The following NECTIN3 variants were observed in gnomAD, a reference collection of about 807,000 sequenced individuals.
NECTIN3 encodes nectin cell adhesion molecule 3, also known as nectin-3.
NECTIN3 carries 8 observed loss-of-function variants against 49.4 expected under a neutral mutation model. That is an observed-to-expected ratio of 0.16 (90% CI 0.10 to 0.29). The LOEUF is 0.29. Among genes scored for constraint, NECTIN3 ranks in the 10% least tolerant of loss-of-function variants. The pLI is 1.00. For missense variants in NECTIN3, 581 were observed against 654.6 expected, an observed-to-expected ratio of 0.89 and a Z score of 1.23; for synonymous variants, 277 against 241.1, an observed-to-expected ratio of 1.15 and a Z score of -1.38.
At chr3:111,111,836 CTTT>C (rs574428590) in intron 1 of NECTIN3, among the ~76,000 whole-genome samples, 191 bp from the exon 2 acceptor site, 1 of 151,480 alleles carries the variant, frequency 6.6e-6, no homozygotes, top group Non-Finnish European at 1.5e-5. Flanking sequence ...TAGTTCATTT[CTTT>C]TTGTTACTCA....
chr3:111,132,109 C>T (rs1161758300), intron 5 of NECTIN3, among the ~76,000 whole-genome samples: 1 of 151,772 alleles, frequency 6.6e-6, no homozygotes, highest in Non-Finnish European at 1.5e-5. Context: ...CTATATTAGA[C>T]ATGATCCTTC....
chr3:111,186,869 G>A (rs1431949570), intron 7 of NECTIN3, among the ~76,000 whole-genome samples: 1 of 152,076 alleles, frequency 6.6e-6, no homozygotes, highest in Non-Finnish European at 1.5e-5. Flanking sequence ...AGGCTTTCTA[G>A]GAAAAGATAC....
intron 1 of NECTIN3, among the ~76,000 whole-genome samples, chr3:111,110,999 T>C (rs1006967956): frequency 8.5e-5 from 13 of 152,154 alleles, no homozygotes; most frequent in Non-Finnish European, 1.5e-4. Flanking sequence ...TCTGTATTCA[T>C]TTAAAAATAT....
exon 6 of NECTIN3, chr3:111,145,018 C>T: frequency 2.0e-6 from 3 of 1,536,402 alleles, no homozygotes; most frequent in Non-Finnish European, 2.6e-6. Flanking sequence ...AAAAAAAAGA[C>T]CATCCTATCT....
chr3:111,096,390 G>A (rs1421472149), intron 1 of NECTIN3, among the ~76,000 whole-genome samples: 1 of 152,158 alleles, frequency 6.6e-6, no homozygotes, highest in Non-Finnish European at 1.5e-5. Context: ...ATGCAAGTTT[G>A]GAAAATTTGC....
intron 7 of NECTIN3, among the ~76,000 whole-genome samples, chr3:111,173,157 A>G (rs2035464627): frequency 1.3e-5 from 2 of 152,142 alleles, no homozygotes; most frequent in African/African-American, 4.8e-5. Context: ...TTCCAAGATC[A>G]TGTCACTCCC....
At chr3:111,113,510 A>G (rs116108613) in intron 2 of NECTIN3, among the ~76,000 whole-genome samples, 2 of 152,022 alleles carry the variant, frequency 1.3e-5, no homozygotes, top group South Asian at 2.1e-4. Context: ...TTTATTATAT[A>G]TTTTTTCATG....
At chr3:111,099,791 T>TA in intron 1 of NECTIN3, among the ~76,000 whole-genome samples, 2 of 152,304 alleles carry the variant, frequency 1.3e-5, no homozygotes, top group African/African-American at 4.8e-5. Flanking sequence ...AGAAATCATA[T>TA]AGCCTTGTAC....
At chr3:111,156,412 C>T (rs753598641) in intron 7 of NECTIN3, among the ~76,000 whole-genome samples, 9 of 151,460 alleles carry the variant, frequency 5.9e-5, no homozygotes, top group Non-Finnish European at 8.8e-5. Context: ...AAAAAAAGAC[C>T]ATAACTCTTT....
At chr3:111,180,184 G>A (rs2035602328) in intron 7 of NECTIN3, among the ~76,000 whole-genome samples, 1 of 152,084 alleles carries the variant, frequency 6.6e-6, no homozygotes, top group African/African-American at 2.4e-5. Context: ...CTTGAGAAAT[G>A]GATATAGCTA....
intron 7 of NECTIN3, among the ~76,000 whole-genome samples, chr3:111,182,545 A>T (rs761879415): frequency 2.0e-5 from 3 of 152,048 alleles, no homozygotes; most frequent in Non-Finnish European, 4.4e-5. Context: ...TGTCTTCTTG[A>T]TAAACTGATC....
At chr3:111,085,225 C>G (rs900843455) in intron 1 of NECTIN3, among the ~76,000 whole-genome samples, 3 of 152,168 alleles carry the variant, frequency 2.0e-5, no homozygotes, top group African/African-American at 7.2e-5. Context: ...AGTTCACATT[C>G]ACAGACACTA....
intron 1 of NECTIN3, among the ~76,000 whole-genome samples, chr3:111,110,042 A>G (rs2033387533): frequency 6.6e-6 from 1 of 152,076 alleles, no homozygotes; most frequent in Admixed American, 6.6e-5. Flanking sequence ...TACTGATTAT[A>G]TAGTTCATAT....
chr3:111,107,149 A>G (rs2033217654), intron 1 of NECTIN3, among the ~76,000 whole-genome samples: 1 of 152,056 alleles, frequency 6.6e-6, no homozygotes, highest in Admixed American at 6.6e-5. Flanking sequence ...CATAGTAGTT[A>G]TATACGTCAT....
intron 1 of NECTIN3, among the ~76,000 whole-genome samples, chr3:111,084,480 C>T (rs2031812983): frequency 6.6e-6 from 1 of 152,028 alleles, no homozygotes; most frequent in Non-Finnish European, 1.5e-5. Flanking sequence ...GAAAGACTAG[C>T]CGATAAAGAA....
intron 7 of NECTIN3, among the ~76,000 whole-genome samples, chr3:111,150,421 T>C (rs531734626): frequency 4.9e-4 from 75 of 151,974 alleles, no homozygotes; most frequent in Non-Finnish European, 9.7e-4. Flanking sequence ...TAAGAACACA[T>C]GTCAGTTTTC....
intron 7 of NECTIN3, among the ~76,000 whole-genome samples, chr3:111,161,171 C>G (rs377169918): frequency 5.9e-5 from 9 of 152,292 alleles, no homozygotes; most frequent in Admixed American, 3.9e-4. Flanking sequence ...TTTTCAAACA[C>G]AACCTGGAGA....
At chr3:111,171,080 C>A (rs1267109111) in intron 7 of NECTIN3, among the ~76,000 whole-genome samples, 1 of 152,152 alleles carries the variant, frequency 6.6e-6, no homozygotes, top group Non-Finnish European at 1.5e-5. Flanking sequence ...GTTCTTTATA[C>A]ATATTACCTC....
intron 2 of NECTIN3, among the ~76,000 whole-genome samples, chr3:111,117,570 A>G (rs1304979644): frequency 1.3e-5 from 2 of 152,152 alleles, no homozygotes; most frequent in African/African-American, 4.8e-5. Context: ...CATAAGGAAA[A>G]TAATCATATC....
Sources: allele counts gnomAD v4.1 joint callset (sites outside exome capture counted in the v4.1 genomes callset), GRCh38; gene constraint gnomAD v4.1.1; transcripts MANE v1.5; gene names NCBI Gene and HGNC (gene_info 2026-07-23, HGNC 2026-07-21).